Variants in AP4E1 observed in about 807,000 individuals in gnomAD.
AP4E1 encodes the protein AP-4 complex subunit epsilon-1.
A neutral mutation model predicts 128.2 loss-of-function variants in AP4E1; 56 were observed. The observed-to-expected ratio is 0.44, with a 90% confidence interval of 0.35 to 0.55. The LOEUF is 0.55. Ranked by LOEUF, AP4E1 falls within the 20% of genes least tolerant of loss-of-function variation. The pLI is 0.00. For synonymous variants in AP4E1, 484 were observed against 473.1 expected, an observed-to-expected ratio of 1.02 and a Z score of -0.30; for missense variants, 1,324 against 1,307.7, an observed-to-expected ratio of 1.01 and a Z score of -0.19.
chr15:50,995,856 A>G (rs1395308521), intron 17 of AP4E1, among the ~76,000 whole-genome samples: 2 of 151,762 alleles, frequency 1.3e-5, no homozygotes, highest in South Asian at 2.1e-4. Flanking sequence ...AGACAAAGTA[A>G]TAGAAACTAT....
At chr15:50,945,575 C>T (rs1489257981) in intron 10 of AP4E1, 1 of 742,720 alleles carries the variant, frequency 1.3e-6, no homozygotes, top group African/African-American at 1.7e-5. Flanking sequence ...TTCGATAAAG[C>T]TATTTGTATC....
chr15:50,960,472 T>C (rs2064296800), intron 14 of AP4E1, among the ~76,000 whole-genome samples: 1 of 130,582 alleles, frequency 7.7e-6, no homozygotes, highest in Non-Finnish European at 1.7e-5. Context: ...AAAAGGTACT[T>C]TGGAAACTGA....
chr15:50,942,823 A>G (rs951685756), intron 10 of AP4E1, among the ~76,000 whole-genome samples: 9 of 152,006 alleles, frequency 5.9e-5, no homozygotes, highest in Admixed American at 5.9e-4. Context: ...CTTTATTTCA[A>G]ATGGTATATG....
At chr15:50,920,897 C>G (rs758306043) in intron 3 of AP4E1, among the ~76,000 whole-genome samples, 2 of 152,224 alleles carry the variant, frequency 1.3e-5, no homozygotes, top group African/African-American at 4.8e-5. Flanking sequence ...CTCCCAGGTT[C>G]AAGCGATTTT....
intron 3 of AP4E1, among the ~76,000 whole-genome samples, chr15:50,923,266 A>G (rs1031675403): frequency 2.0e-5 from 3 of 152,218 alleles, no homozygotes; most frequent in African/African-American, 7.2e-5. Flanking sequence ...CATTTGTTAT[A>G]GTGTTAATAT....
intron 18 of AP4E1, among the ~76,000 whole-genome samples, chr15:50,998,189 G>A (rs571624299): frequency 4.2e-4 from 44 of 103,618 alleles, no homozygotes; most frequent in Non-Finnish European, 9.9e-4. Context: ...TTGTATGGAT[G>A]TCCTTGGTGG....
chr15:50,956,659 C>T (rs2064227383), intron 13 of AP4E1, among the ~76,000 whole-genome samples: 1 of 152,136 alleles, frequency 6.6e-6, no homozygotes, highest in East Asian at 1.9e-4. Context: ...TGAGAACTCA[C>T]TATCACAAGA....
chr15:50,995,791 T>C (rs2064860810), intron 17 of AP4E1, among the ~76,000 whole-genome samples: 1 of 151,664 alleles, frequency 6.6e-6, no homozygotes, highest in Non-Finnish European at 1.5e-5. Flanking sequence ...CTGGCATGTA[T>C]AGCTTCTGAA....
In AP4E1 at chr15:50,997,536, T is replaced by G; in HGVS notation, c.2557T>G (p.Leu853Val). The change falls in exon 18 of 21, where the codon TTG becomes GTG. Residue 853 changes from leucine (L) to valine (V), a missense_variant. Transcript: ENST00000261842. ...GAAATTTTCTCTCACTTCAGAACTT[T>G]TGGATTCTGAGTCACTCACAGAACT... ...LKKFSLTSEL[L>V]DSESLTELPL... The G allele has an allele frequency of 6.2e-7, 1 of 1,614,100 alleles. No homozygotes were observed. Among genetic ancestry groups the G allele is most frequent in the Non-Finnish European group, 8.5e-7 (1 of 1,179,972 alleles).
chr15:50,919,487 G>T (rs1372378626), intron 3 of AP4E1, among the ~76,000 whole-genome samples: 1 of 150,666 alleles, frequency 6.6e-6, no homozygotes, highest in Non-Finnish European at 1.5e-5. Flanking sequence ...AGCTGAGATC[G>T]CACCATTGCA....
intron 16 of AP4E1, among the ~76,000 whole-genome samples, chr15:50,988,588 T>C (rs1422407061): frequency 6.6e-6 from 1 of 152,188 alleles, no homozygotes; most frequent in Non-Finnish European, 1.5e-5. Flanking sequence ...GTGCTGGGAT[T>C]ACAAGTATGA....
At chr15:50,919,492 A>G (rs1308777449) in intron 3 of AP4E1, among the ~76,000 whole-genome samples, 2 of 152,060 alleles carry the variant, frequency 1.3e-5, no homozygotes, top group Non-Finnish European at 2.9e-5. Context: ...AGATCGCACC[A>G]TTGCACTCCA....
intron 15 of AP4E1, among the ~76,000 whole-genome samples, chr15:50,970,033 T>C (rs973963342): frequency 1.3e-5 from 2 of 152,202 alleles, no homozygotes; most frequent in Admixed American, 1.3e-4. Flanking sequence ...TCTATAGTGG[T>C]CTAGAACTTA....
At chr15:50,941,851 T>A in intron 10 of AP4E1, 76 bp downstream of exon 10, 1 of 1,046,110 alleles carries the variant, frequency 9.6e-7, no homozygotes, top group Non-Finnish European at 1.5e-6. Context: ...GTAGAGAGAT[T>A]AAAGTGGTGG....
chr15:50,923,195 A>G (rs953645723), intron 3 of AP4E1, among the ~76,000 whole-genome samples: 14 of 152,230 alleles, frequency 9.2e-5, no homozygotes, highest in Non-Finnish European at 5.9e-5. Flanking sequence ...AGTGTTAGTT[A>G]TTATCAATGT....
intron 5 of AP4E1, 91 bp from the exon 6 acceptor site, chr15:50,928,918 C>A: frequency 8.5e-7 from 1 of 1,182,432 alleles, no homozygotes; most frequent in Non-Finnish European, 1.2e-6. Flanking sequence ...GGTAATGAGC[C>A]AGTATTTTGA....
chr15:50,983,364 T>G (rs2064668382), intron 15 of AP4E1, among the ~76,000 whole-genome samples: 1 of 152,134 alleles, frequency 6.6e-6, no homozygotes, highest in Admixed American at 6.5e-5. Context: ...TGTGTATAAT[T>G]TCATAGGCTA....
rs1013450135 is a variant in AP4E1 at position 50,936,287 on chromosome 15, T to C, written c.943+1590T>C. Among the ~76,000 whole-genome samples, 13 of 152,300 alleles carry C rather than the reference T, an allele frequency of 8.5e-5. No individual in the cohort carries two copies. In the South Asian group the frequency reaches 2.7e-3, roughly 32 times the overall value. The stretch of plus-strand genomic sequence containing the variant: ...GTAATTTAAAGTTTTTTGTTTGCGA[T>C]GTAACCAGTGTCCAGGATAAGGGTT... On this transcript the variant is annotated intron_variant, in intron 8 of 20. Transcript: ENST00000261842.
At chr15:50,988,881 A>T (rs1352698962) in intron 16 of AP4E1, among the ~76,000 whole-genome samples, 1 of 152,194 alleles carries the variant, frequency 6.6e-6, no homozygotes, top group Admixed American at 6.5e-5. Context: ...ATTGGTGAGC[A>T]TTTGCTAAAA....
Sources: gnomAD v4.1 joint callset for allele counts (sites outside exome capture counted in the v4.1 genomes callset) on GRCh38, gnomAD v4.1.1 for gene constraint, MANE v1.5 for transcripts, NCBI Gene and HGNC (gene_info 2026-07-23, HGNC 2026-07-21) for gene names.